Variants in COL9A1 observed in about 807,000 individuals in gnomAD.
COL9A1 encodes collagen type IX alpha 1 chain.
In COL9A1, 104 loss-of-function variants were observed where a neutral mutation model predicts 142.6. That is an observed-to-expected ratio of 0.73 (90% CI 0.62 to 0.86). The LOEUF is 0.86. Among genes scored for constraint, COL9A1 ranks in the 40% least tolerant of loss-of-function variants. The pLI is 0.00. For missense variants in COL9A1, 1,210 were observed against 1,176.6 expected, an observed-to-expected ratio of 1.03 and a Z score of -0.42; for synonymous variants, 466 against 396.0, an observed-to-expected ratio of 1.18 and a Z score of -2.10.
At position 70,254,956 on chromosome 6, in the gene COL9A1, A is replaced by C; in HGVS notation, c.1665+7T>G. 1 of 1,614,014 alleles carries C rather than the reference A, an allele frequency of 6.2e-7. No individual in the cohort carries two copies. Among genetic ancestry groups the C allele is most frequent in the Non-Finnish European group, 8.5e-7 (1 of 1,179,884 alleles). On this transcript the variant is annotated splice_region_variant and intron_variant, in intron 24 of 37. Coordinates refer to ENST00000357250, the MANE Select transcript of COL9A1 (RefSeq NM_001851.6). ...CACTCACTCTTGGAGTAAATTACAC[A>C]GCCTACCTTTGTTCCAGGCATTCCA...
At chr6:70,268,221 C>CTTT (rs572260654) in intron 17 of COL9A1, among the ~76,000 whole-genome samples, 1 of 146,712 alleles carries the variant, frequency 6.8e-6, no homozygotes, top group Non-Finnish European at 1.5e-5. Flanking sequence ...ATAGGAAGCA[C>CTTT]TTTTTTTTTT....
Position 70,280,527 on chromosome 6 carries a change from C to T in COL9A1, c.975+285G>A. 5 of 1,373,894 alleles carry T rather than the reference C, an allele frequency of 3.6e-6. No individual in the cohort carries two copies. The South Asian group carries it at 6.2e-5, about 17-fold the overall frequency. The allele number at this position is 1,373,894 out of a possible 1,614,324, so 85.1% of individuals were successfully genotyped here. A position where few individuals can be genotyped will look rare whatever the true frequency, so the allele number is the denominator to read the frequency against. ...AGTGGGGCTGAGAGTTCACAGCGTG[C>T]ACTGTGAGGTCACGGTTAGAGACAG... is the stretch of plus-strand genomic sequence containing the variant. On this transcript the variant is annotated intron_variant, in intron 10 of 37. Coordinates refer to ENST00000357250, the MANE Select transcript of COL9A1 (RefSeq NM_001851.6).
At chr6:70,263,109 G>A (rs1771796716) in intron 19 of COL9A1, 135 bp downstream of exon 19, 1 of 635,204 alleles carries the variant, frequency 1.6e-6, no homozygotes, top group Non-Finnish European at 2.7e-6. Flanking sequence ...CCCAGTGCTG[G>A]CGTGGTGGAA....
At chr6:70,275,686 A>G (rs189448400) in intron 10 of COL9A1, among the ~76,000 whole-genome samples, 1 of 152,184 alleles carries the variant, frequency 6.6e-6, no homozygotes, top group East Asian at 1.9e-4. Context: ...TTGCTCTTTG[A>G]CACTTTCAGA....
chr6:70,241,321 T>C (rs1245615053), intron 31 of COL9A1, 98 bp downstream of exon 31: 5 of 989,700 alleles, frequency 5.1e-6, no homozygotes, highest in Non-Finnish European at 8.2e-6. Flanking sequence ...TTAGCCTTCA[T>C]GGTTTTATTA....
chr6:70,255,602 T>C (rs1771230922), intron 21 of COL9A1, among the ~76,000 whole-genome samples: 1 of 152,166 alleles, frequency 6.6e-6, no homozygotes, highest in Admixed American at 6.5e-5. Flanking sequence ...CACTTGATGG[T>C]CTTTTGTTTT....
At chr6:70,280,372 C>T in intron 10 of COL9A1, 2 of 1,168,392 alleles carry the variant, frequency 1.7e-6, no homozygotes, top group Non-Finnish European at 2.1e-6. Flanking sequence ...GGATCTTTTT[C>T]TAAATTAATG....
At chr6:70,297,420 G>A (rs559393552) in intron 4 of COL9A1, among the ~76,000 whole-genome samples, 1 of 152,048 alleles carries the variant, frequency 6.6e-6, no homozygotes, top group African/African-American at 2.4e-5. Context: ...AGTCAATATG[G>A]TAAGAAGAGA....
Position 70,225,927 on chromosome 6 carries a change from C to T in COL9A1, c.2581+5G>A. 2 of 1,613,344 alleles carry T rather than the reference C, an allele frequency of 1.2e-6. No individual in the cohort carries two copies. The highest frequency in any genetic ancestry group is 1.7e-6 in the Non-Finnish European group (2 of 1,179,370). On this transcript the variant is annotated splice_donor_5th_base_variant and intron_variant, in intron 37 of 37. Coordinates refer to ENST00000357250, the MANE Select transcript of COL9A1 (RefSeq NM_001851.6). Reference sequence around the variant, plus strand: ...CTCCTCCTCTCAGCTATACAACACACTTACCTGGGAGACCTATAGCTCCAG... The same window carrying T: ...CTCCTCCTCTCAGCTATACAACACATTTACCTGGGAGACCTATAGCTCCAG...
intron 5 of COL9A1, among the ~76,000 whole-genome samples, chr6:70,284,739 A>T (rs1452947411): frequency 6.6e-6 from 1 of 152,212 alleles, no homozygotes; most frequent in East Asian, 1.9e-4. Flanking sequence ...TCTGCTAGGC[A>T]TTTCAAATTG....
chr6:70,275,139 T>C (rs1772676020), intron 10 of COL9A1: 2 of 257,376 alleles, frequency 7.8e-6, no homozygotes, highest in African/African-American at 2.3e-5. Context: ...TTTACTCAGG[T>C]TTATTTACCT....
rs200018557 is a variant in COL9A1 at position 70,294,519 on chromosome 6, G to A, written c.344C>T (p.Thr115Met). Reference protein sequence around the residue: ...SGLPEEYSFLTTFRMTGSTLK... With the variant: ...SGLPEEYSFLMTFRMTGSTLK... The stretch of plus-strand genomic sequence containing the variant: ...AGTGCTTCCAGTCATTCGAAACGTC[G>A]TCAAGAAGGAGTATTCTTCAGGCAG... Residue 115 changes from threonine to methionine, a missense_variant, in exon 5 of 38, where the codon ACG (threonine) becomes ATG (methionine). Transcript: ENST00000357250. 182 of 1,614,012 alleles carry A rather than the reference G, an allele frequency of 1.1e-4. No homozygotes were observed. In the East Asian group the frequency reaches 2.7e-3, roughly 24 times the overall value.
At chr6:70,254,670 T>G (rs1458602785) in intron 24 of COL9A1, 141 bp from the exon 25 acceptor site, 16 of 776,534 alleles carry the variant, frequency 2.1e-5, no homozygotes, top group Middle Eastern at 2.4e-4. Context: ...AGTGACTTAA[T>G]TTAGGGTGGG....
At chr6:70,241,838 T>C in intron 30 of COL9A1, 126 bp downstream of exon 30, 1 of 824,550 alleles carries the variant, frequency 1.2e-6, no homozygotes, top group Non-Finnish European at 2.0e-6. Context: ...TAAAATATCT[T>C]TCTTGATAGC....
At chr6:70,284,225 T>C (rs1203646336) in intron 5 of COL9A1, among the ~76,000 whole-genome samples, 3 of 152,040 alleles carry the variant, frequency 2.0e-5, no homozygotes, top group Non-Finnish European at 4.4e-5. Flanking sequence ...CCCAGGGCTA[T>C]TGAACTCTAC....
At position 70,270,338 on chromosome 6, in the gene COL9A1, G is replaced by GA; in HGVS notation, c.1172_1173insT (p.Gly394TrpfsTer13). The GA allele has an allele frequency of 6.2e-7, 1 of 1,613,808 alleles. No individual in the cohort carries two copies. The highest frequency in any genetic ancestry group is 1.1e-5 in the South Asian group (1 of 91,044). On this transcript the variant is annotated frameshift_variant, in exon 15 of 38. Coordinates refer to ENST00000357250, the MANE Select transcript of COL9A1 (RefSeq NM_001851.6). LOFTEE classifies it high-confidence loss of function. ...CTCTGGGTCCTGGGGGGCCAGGGGG[G>GA]CCAGGTGGTCCTCTTCTCCCAGGGT...
chr6:70,221,393 T>A (rs1163966398), intron 37 of COL9A1, among the ~76,000 whole-genome samples: 1 of 152,226 alleles, frequency 6.6e-6, no homozygotes, highest in Non-Finnish European at 1.5e-5. Flanking sequence ...CAAAGCAGTA[T>A]ATGTTTAAGG....
chr6:70,287,958 C>T (rs956000808), intron 5 of COL9A1, among the ~76,000 whole-genome samples: 12 of 152,162 alleles, frequency 7.9e-5, no homozygotes, highest in African/African-American at 2.9e-4. Flanking sequence ...TTCTATATTA[C>T]ACTTGTCTCT....
Position 70,302,917 on chromosome 6 carries a change from G to A in COL9A1, c.8C>T (p.Thr3Ile), listed in dbSNP as rs773985205. 4.3e-6 allele frequency: 7 copies of A among 1,614,012 alleles called. No individual in the cohort carries two copies. In the South Asian group the frequency reaches 7.7e-5, roughly 18 times the overall value. Residue 3 changes from threonine to isoleucine, a missense_variant, in exon 1 of 38, where the codon ACC (threonine) becomes ATC (isoleucine). By Grantham distance (89) the Thr-to-Ile change is moderately conservative. Coordinates refer to ENST00000357250, the MANE Select transcript of COL9A1 (RefSeq NM_001851.6). Reference protein sequence around the residue: MKTCWKIPVFFFV... With the variant: MKICWKIPVFFFV... ...TCCAGGGTTATTGTCTTACCAGCAGGTCTTCATTTTCCCAGTTGATTTTCT... is the reference window on the plus strand; with the variant it reads ...TCCAGGGTTATTGTCTTACCAGCAGATCTTCATTTTCCCAGTTGATTTTCT...
Sources: gnomAD v4.1 joint callset for allele counts (sites outside exome capture counted in the v4.1 genomes callset) on GRCh38, gnomAD v4.1.1 for gene constraint, MANE v1.5 for transcripts, NCBI Gene and HGNC (gene_info 2026-07-23, HGNC 2026-07-21) for gene names.